The following DOCK8 variants were observed in gnomAD, a reference collection of about 807,000 sequenced individuals.
DOCK8 encodes dedicator of cytokinesis 8.
A neutral mutation model predicts 245.6 loss-of-function variants in DOCK8; 141 were observed. The observed-to-expected ratio is 0.57, with a 90% CI of 0.50 to 0.66. The LOEUF is 0.66. Ranked by LOEUF, DOCK8 falls within the 30% of genes least tolerant of loss-of-function variation. The pLI, the probability that DOCK8 is intolerant of heterozygous loss-of-function variation, is 0.00. For missense variants in DOCK8, 2,965 were observed against 2,603.4 expected (o/e 1.14, Z -3.02); for synonymous variants, 1,168 against 970.2 (o/e 1.20, Z -3.79).
intron 43 of DOCK8, among the ~76,000 whole-genome samples, chr9:444,142 G>T (rs1342117166): frequency 6.6e-6 from 1 of 151,918 alleles, no homozygotes; most frequent in Non-Finnish European, 1.5e-5. Context: ...CAAAATGGGT[G>T]TACAGTTCTG....
At chr9:395,224 CCATGGTTTCT>C (rs1338963696) in intron 24 of DOCK8, among the ~76,000 whole-genome samples, 1 of 152,106 alleles carries the variant, frequency 6.6e-6, no homozygotes, top group Non-Finnish European at 1.5e-5. Flanking sequence ...TGAGGAGAAA[CCATGGTTTCT>C]CTACTGAGCT....
chr9:373,036 G>A (rs1208604533), intron 18 of DOCK8, among the ~76,000 whole-genome samples: 6 of 152,226 alleles, frequency 3.9e-5, no homozygotes, highest in Non-Finnish European at 7.4e-5. Context: ...GCGTGGTGGC[G>A]GGTGCCTGTA....
Position 376,244 on chromosome 9 carries a change from C to T in DOCK8, c.2144C>T (p.Ala715Val). The change falls in exon 19 of 48, where the codon GCT (alanine) becomes GTT (valine). Residue 715 changes from alanine (A) to valine (V), a missense_variant. Ala to Val is a moderately conservative substitution (Grantham distance 64). Around this residue, in one of 3 missense-constraint regions of DOCK8, gnomAD observed 2,825 missense variants for 2,453.5 expected, o/e 1.15. Transcript: ENST00000432829. The stretch of plus-strand genomic sequence containing the variant: ...TTACAGAATCCTCCCATTAAGTGGG[C>T]TGAAGGACATAAGGGAGTATTTAAT... ...VPLQNPPIKW[A>V]EGHKGVFNIE... 1.2e-6 allele frequency: 2 copies of T among 1,612,982 alleles called. No homozygotes were observed. The highest frequency in any genetic ancestry group is 1.3e-5 in the African/African-American group (1 of 74,904).
At chr9:416,848 T>G (rs766414312) in intron 29 of DOCK8, among the ~76,000 whole-genome samples, 12 of 152,254 alleles carry the variant, frequency 7.9e-5, no homozygotes, top group Non-Finnish European at 5.9e-5. Context: ...TTTCCCGATT[T>G]TTCTTGTAAC....
At chr9:401,699 C>T (rs752411238) in intron 26 of DOCK8, among the ~76,000 whole-genome samples, 42 of 152,102 alleles carry the variant, frequency 2.8e-4, no homozygotes, top group South Asian at 8.3e-4. Context: ...AATAAACAAC[C>T]GAGGGGCCAA....
intron 1 of DOCK8, among the ~76,000 whole-genome samples, chr9:235,512 C>A (rs2047223619): frequency 6.6e-6 from 1 of 152,250 alleles, no homozygotes; most frequent in Non-Finnish European, 1.5e-5. Flanking sequence ...CCTACAGAGG[C>A]AGGCAGGCCT....
intron 14 of DOCK8, among the ~76,000 whole-genome samples, chr9:367,030 T>C (rs10972564): frequency 9.9e-5 from 15 of 152,024 alleles, no homozygotes; most frequent in Non-Finnish European, 1.6e-4. Flanking sequence ...TGATATGGGG[T>C]GTATTACCTA....
In DOCK8 at chr9:390,397, A is replaced by C. The variant is rs1436887983; in HGVS notation, c.2875-74A>C. ...CAAGCTATTAAATTGGGGGGAATAA[A>C]AGAAAAGAAAAAAAGTGTTGGTGAA... On this transcript the variant is annotated intron_variant, in intron 23 of 47. Transcript: ENST00000432829. 2.9e-6 allele frequency: 4 copies of C among 1,391,108 alleles called. No homozygotes were observed. In the East Asian group the frequency reaches 9.1e-5, roughly 32 times the overall value. The allele number at this position is 1,391,108 out of a possible 1,614,324, so 86.2% of individuals were successfully genotyped here.
At chr9:263,212 G>GAAA (rs34966635) in intron 1 of DOCK8, among the ~76,000 whole-genome samples, 4 of 145,074 alleles carry the variant, frequency 2.8e-5, no homozygotes, top group Non-Finnish European at 1.5e-5. Context: ...ATCTCAAAAG[G>GAAA]AAAAAAAAAA....
At chr9:355,011 A>C (rs536358029) in intron 14 of DOCK8, among the ~76,000 whole-genome samples, 1 of 152,238 alleles carries the variant, frequency 6.6e-6, no homozygotes, top group South Asian at 2.1e-4. Context: ...CAGGAAGCAG[A>C]ATCATTGGTT....
At chr9:425,481 A>G (rs10974360) in intron 33 of DOCK8, among the ~76,000 whole-genome samples, 26,142 of 149,048 alleles carry the variant, frequency 0.18, 2,869 homozygotes, top group East Asian at 0.52. Flanking sequence ...GCGGTGAGCC[A>G]AGATTGCGCC....
At chr9:399,956 C>T (rs993106649) in intron 26 of DOCK8, among the ~76,000 whole-genome samples, 21 of 151,622 alleles carry the variant, frequency 1.4e-4, no homozygotes, top group African/African-American at 4.9e-4. Context: ...GTCCCATGCC[C>T]ACTATCACCA....
chr9:244,187 GAA>G (rs60148430), intron 1 of DOCK8, among the ~76,000 whole-genome samples: 2,339 of 88,396 alleles, frequency 0.026, 47 homozygotes, highest in African/African-American at 0.077. Context: ...GACTCCGTCT[GAA>G]AAAAAAAAAA....
At position 236,175 on chromosome 9, in the gene DOCK8, G is replaced by T. The variant is rs192131696; in HGVS notation, c.53+21146G>T. Among the ~76,000 whole-genome samples, 98 of 152,264 alleles carry T rather than the reference G, an allele frequency of 6.4e-4. 1 individual carries two copies. The highest frequency in any genetic ancestry group is 2.3e-3 in the African/African-American group (95 of 41,542). On this transcript the variant is annotated intron_variant, in intron 1 of 47. Coordinates refer to ENST00000432829, the MANE Select transcript of DOCK8 (RefSeq NM_203447.4). ...GTCTTTGTGTCCCACCAACCTTAGT[G>T]TGTGGCTTTCATCCTTATGGTCACA...
At chr9:292,877 C>G (rs1160142106) in intron 4 of DOCK8, among the ~76,000 whole-genome samples, 2 of 152,130 alleles carry the variant, frequency 1.3e-5, no homozygotes, top group East Asian at 1.9e-4. Context: ...AGCATTAATC[C>G]AGATCATTAG....
intron 1 of DOCK8, among the ~76,000 whole-genome samples, chr9:253,871 A>C (rs1297795965): frequency 6.6e-6 from 1 of 151,966 alleles, no homozygotes; most frequent in East Asian, 1.9e-4. Flanking sequence ...GCATGTGAAA[A>C]CCCCCAGGGA....
intron 29 of DOCK8, among the ~76,000 whole-genome samples, chr9:416,180 G>A (rs1313446423): frequency 1.3e-5 from 2 of 152,196 alleles, no homozygotes; most frequent in South Asian, 2.1e-4. Flanking sequence ...TCAGCACACA[G>A]GGCTGAGCAA....
chr9:372,842 C>G (rs1002673119), intron 18 of DOCK8, among the ~76,000 whole-genome samples: 1 of 152,160 alleles, frequency 6.6e-6, no homozygotes, highest in African/African-American at 2.4e-5. Flanking sequence ...CCAGCCTGGC[C>G]AAGGTGGCAA....
At chr9:215,284 C>G (rs2046720406) in intron 1 of DOCK8, 4 of 1,608,694 alleles carry the variant, frequency 2.5e-6, no homozygotes, top group Non-Finnish European at 3.4e-6. Context: ...CCGGGGATCC[C>G]TTCCCCGAAC....
Sources: gnomAD v4.1 joint callset for allele counts (sites outside exome capture counted in the v4.1 genomes callset) on GRCh38, gnomAD v4.1.1 for gene constraint, gnomAD v4.1.1 regional missense constraint, MANE v1.5 for transcripts, NCBI Gene and HGNC (gene_info 2026-07-23, HGNC 2026-07-21) for gene names.